The following LRRC37B variants were observed in gnomAD, a reference collection of about 807,000 sequenced individuals.
The protein encoded by LRRC37B is leucine-rich repeat-containing protein 37B.
In LRRC37B, 28 loss-of-function variants were observed where a neutral mutation model predicts 98.3. The ratio of observed to expected loss-of-function variants is 0.28; its 90% CI spans 0.21 to 0.39. The LOEUF (loss-of-function observed/expected upper bound fraction) is 0.39. LRRC37B is among the 10% of genes least tolerant of loss of function. The probability of loss-of-function intolerance (pLI) is 1.00; values close to 1 mark genes in which losing one functional copy is unlikely to be tolerated. For missense variants in LRRC37B, 938 were observed against 1,182.7 expected (o/e 0.79, Z 3.03); for synonymous variants, 364 against 442.7 (o/e 0.82, Z 2.23).
chr17:32,049,726 G>A (rs147738092), intron 10 of LRRC37B, among the ~76,000 whole-genome samples: 13 of 152,224 alleles, frequency 8.5e-5, no homozygotes, highest in South Asian at 2.1e-4. Context: ...AATTAGCTGC[G>A]TGTGGTGACA....
intron 7 of LRRC37B, chr17:32,035,898 A>T (rs1911233835): frequency 2.9e-6 from 1 of 343,972 alleles, no homozygotes; most frequent in Non-Finnish European, 5.3e-6. Flanking sequence ...AGCCCCTGTT[A>T]GCTACTAATC....
At chr17:32,053,309 C>A (rs1299657903) in exon 12 of LRRC37B, 2 of 1,609,670 alleles carry the variant, frequency 1.2e-6, no homozygotes, top group Non-Finnish European at 1.7e-6. Context: ...AAAGACAACC[C>A]ATCAATATCA....
At position 32,033,236 on chromosome 17, in the gene LRRC37B, C is replaced by T. The variant is rs373298792; in HGVS notation, c.2058-1674C>T. 7.3e-5 allele frequency among the ~76,000 whole-genome samples: 11 copies of T among 151,292 alleles called. No individual in the cohort carries two copies. The East Asian group carries it at 2.0e-3, about 27-fold the overall frequency. ...TCAGATGATCCACCCGCCTGGCTTC[C>T]CAAAGTGCTGGGATTATAGGCCTAA... On this transcript the variant is annotated intron_variant, in intron 5 of 11. Transcript: ENST00000327564.
At chr17:32,024,629 G>A (rs1341988939) in intron 1 of LRRC37B, 82 bp from the exon 5 acceptor site, 11 of 1,604,232 alleles carry the variant, frequency 6.9e-6, no homozygotes, top group East Asian at 2.2e-5. Context: ...GAATATCCCC[G>A]ACAAGGTTGC....
intron 11 of LRRC37B, chr17:32,052,988 T>G: frequency 3.0e-6 from 1 of 331,894 alleles, no homozygotes; most frequent in Non-Finnish European, 5.7e-6. Context: ...GGTGTGTTGG[T>G]TATATGCAGA....
At chr17:32,019,851 A>G (rs1355379280), upstream of LRRC37B, among the ~76,000 whole-genome samples, 1 of 152,018 alleles carries the variant, frequency 6.6e-6, no homozygotes, top group Non-Finnish European at 1.5e-5. Context: ...AATCCCTTCA[A>G]TTTTATTTTA....
chr17:32,020,350 T>C (rs956225099), upstream of LRRC37B, among the ~76,000 whole-genome samples: 4 of 152,174 alleles, frequency 2.6e-5, no homozygotes, highest in Non-Finnish European at 5.9e-5. Flanking sequence ...AACCTAAGCC[T>C]CTTCTCCATG....
exon 1 of LRRC37B, chr17:32,008,064 C>T (rs1910451303): frequency 5.9e-6 from 3 of 505,230 alleles, no homozygotes; most frequent in South Asian, 1.9e-5. Context: ...TCCGATTATC[C>T]GGAGGAGCTG....
chr17:32,026,652 C>T lies in LRRC37B; in HGVS notation c.1833-1117C>T, dbSNP rs184670887. ...CCATGTTGGACGGGCTGGTCTCGAA[C>T]TCATGATCTCAGGTGATTCATGTGC... On this transcript the variant is annotated intron_variant, in intron 2 of 11. Coordinates refer to ENST00000327564, the Ensembl canonical transcript of LRRC37B. 4.6e-5 allele frequency among the ~76,000 whole-genome samples: 7 copies of T among 152,278 alleles called. No homozygotes were observed. The East Asian group carries it at 9.7e-4, about 21-fold the overall frequency.
At chr17:32,037,059 T>G (rs1911267541) in intron 7 of LRRC37B, among the ~76,000 whole-genome samples, 3 of 137,322 alleles carry the variant, frequency 2.2e-5, no homozygotes, top group African/African-American at 8.1e-5. Flanking sequence ...CCATATCGGC[T>G]CACTGCAACC....
chr17:32,025,098 A>G (rs890357570), intron 2 of LRRC37B, among the ~76,000 whole-genome samples: 4 of 105,972 alleles, frequency 3.8e-5, no homozygotes, highest in African/African-American at 1.5e-4. Flanking sequence ...GTGCAGTGGC[A>G]TAATCACATC....
intron 7 of LRRC37B, among the ~76,000 whole-genome samples, chr17:32,039,648 CACAACTT>C (rs1434344026): frequency 1.4e-5 from 2 of 141,786 alleles, no homozygotes; most frequent in African/African-American, 5.3e-5. Flanking sequence ...GAGTTTGTTA[CACAACTT>C]ACTGCAACTT....
chr17:32,039,800 G>C (rs1911374617), intron 7 of LRRC37B, among the ~76,000 whole-genome samples: 1 of 151,400 alleles, frequency 6.6e-6, no homozygotes, highest in Non-Finnish European at 1.5e-5. Context: ...GTTCATTTTT[G>C]TCAGGTCACT....
intron 5 of LRRC37B, among the ~76,000 whole-genome samples, chr17:32,033,212 C>T (rs550173592): frequency 1.2e-4 from 18 of 151,876 alleles, no homozygotes; most frequent in African/African-American, 4.1e-4. Context: ...CTCCTGACCT[C>T]AGATGATCCA....
intron 7 of LRRC37B, chr17:32,041,894 C>T (rs890054777): frequency 6.6e-6 from 3 of 451,386 alleles, no homozygotes; most frequent in South Asian, 4.7e-5. Flanking sequence ...GTCCTGACCC[C>T]ATGGGGGCCC....
At chr17:32,020,002 C>T (rs558521694), upstream of LRRC37B, among the ~76,000 whole-genome samples, 334 of 152,224 alleles carry the variant, frequency 2.2e-3, 1 homozygote, top group African/African-American at 7.5e-3. Context: ...TGCACCACCA[C>T]GCCTGGCTAA....
exon 1 of LRRC37B, chr17:32,022,589 G>C (rs1362013068): frequency 1.2e-6 from 2 of 1,613,996 alleles, no homozygotes; most frequent in Admixed American, 1.7e-5. Context: ...TTCAGACTCT[G>C]CATCGAAGCC....
intron 2 of LRRC37B, among the ~76,000 whole-genome samples, chr17:32,027,228 C>T (rs1055255421): frequency 1.3e-5 from 2 of 152,000 alleles, no homozygotes; most frequent in African/African-American, 4.8e-5. Flanking sequence ...GATCTTGGTG[C>T]CACCCAGAGA....
At chr17:32,039,512 ATATATATATATG>A (rs1414119271) in intron 7 of LRRC37B, among the ~76,000 whole-genome samples, 1,037 of 45,296 alleles carry the variant, frequency 0.023, 83 homozygotes, top group African/African-American at 0.084. Flanking sequence ...ATATATATAT[ATATATATATATG>A]TATGTATTTT....
Sources: gnomAD v4.1 joint callset for allele counts (sites outside exome capture counted in the v4.1 genomes callset) on GRCh38, gnomAD v4.1.1 for gene constraint, MANE v1.5 for transcripts, NCBI Gene and HGNC (gene_info 2026-07-23, HGNC 2026-07-21) for gene names.